TTC39B: variants seen among roughly 807,000 people sequenced by gnomAD.
The protein encoded by TTC39B is tetratricopeptide repeat protein 39B.
TTC39B carries 92 observed loss-of-function variants against 96.6 expected under a neutral mutation model. The ratio of observed to expected loss-of-function variants is 0.95; its 90% CI spans 0.80 to 1.13. The LOEUF is 1.13. Ranked by LOEUF, TTC39B falls within the 50% of genes most tolerant of loss-of-function variation. The probability of loss-of-function intolerance (pLI) is 0.00; values close to 1 mark genes in which losing one functional copy is unlikely to be tolerated. For missense variants in TTC39B, 955 were observed against 809.3 expected, an observed-to-expected ratio of 1.18 and a Z score of -2.18; for synonymous variants, 367 against 299.4, an observed-to-expected ratio of 1.23 and a Z score of -2.33.
intron 16 of TTC39B, among the ~76,000 whole-genome samples, chr9:15,183,881 A>G (rs1490558805): frequency 6.6e-6 from 1 of 152,188 alleles, no homozygotes; most frequent in Non-Finnish European, 1.5e-5. Context: ...GCTCCGTCAC[A>G]GTCACAGAAT....
At chr9:15,287,555 G>A (rs985002311) in intron 1 of TTC39B, among the ~76,000 whole-genome samples, 6 of 152,088 alleles carry the variant, frequency 3.9e-5, no homozygotes, top group Non-Finnish European at 5.9e-5. Context: ...CTCGCTTCCC[G>A]GAGCTTACAG....
At chr9:15,299,704 A>G (rs1824515783) in intron 1 of TTC39B, among the ~76,000 whole-genome samples, 1 of 152,220 alleles carries the variant, frequency 6.6e-6, no homozygotes, top group Non-Finnish European at 1.5e-5. Flanking sequence ...TGGGGCATCC[A>G]AGACTGGAGA....
chr9:15,304,893 G>A (rs1018291750), intron 1 of TTC39B, among the ~76,000 whole-genome samples: 14 of 152,136 alleles, frequency 9.2e-5, no homozygotes, highest in Non-Finnish European at 1.8e-4. Flanking sequence ...ACACATAAGT[G>A]ATGAACAAAG....
At chr9:15,229,271 T>G (rs947968210) in intron 2 of TTC39B, among the ~76,000 whole-genome samples, 1 of 152,204 alleles carries the variant, frequency 6.6e-6, no homozygotes. Context: ...ATCTACTTGT[T>G]ATAAGAGCTT....
exon 20 of TTC39B, chr9:15,166,742 G>A (rs1564299412): frequency 6.6e-6 from 1 of 151,710 alleles, no homozygotes; most frequent in Admixed American, 6.6e-5. Context: ...TGGACTCGGG[G>A]AGGAAGGACT....
chr9:15,250,810 A>T, intron 2 of TTC39B, among the ~76,000 whole-genome samples: 1 of 152,238 alleles, frequency 6.6e-6, no homozygotes, highest in East Asian at 1.9e-4. Flanking sequence ...GTGGTCGTTG[A>T]CTTCACAAAT....
exon 19 of TTC39B, chr9:15,175,065 T>A (rs1296135502): frequency 1.2e-6 from 2 of 1,613,660 alleles, no homozygotes; most frequent in African/African-American, 2.7e-5. Context: ...TCCCCCTGGC[T>A]TTTATACAAA....
At chr9:15,181,098 C>T (rs986904649) in intron 17 of TTC39B, among the ~76,000 whole-genome samples, 4 of 152,056 alleles carry the variant, frequency 2.6e-5, no homozygotes, top group African/African-American at 9.7e-5. Context: ...ATATATTTCC[C>T]CTCGAATTTT....
chr9:15,209,681 T>C (rs1205386221), intron 6 of TTC39B, among the ~76,000 whole-genome samples: 1 of 152,060 alleles, frequency 6.6e-6, no homozygotes, highest in African/African-American at 2.4e-5. Context: ...TTCATATCAG[T>C]GAAAAAATAA....
At chr9:15,297,162 G>T (rs147631625) in intron 1 of TTC39B, among the ~76,000 whole-genome samples, 2 of 152,110 alleles carry the variant, frequency 1.3e-5, no homozygotes, top group Non-Finnish European at 2.9e-5. Flanking sequence ...ACTTCACCAC[G>T]CCTGAGGAGC....
At chr9:15,304,134 C>CA (rs1178989090) in intron 1 of TTC39B, among the ~76,000 whole-genome samples, 6 of 152,152 alleles carry the variant, frequency 3.9e-5, no homozygotes, top group Non-Finnish European at 8.8e-5. Flanking sequence ...ACAAGGCACC[C>CA]AATGGTAGCC....
intron 2 of TTC39B, among the ~76,000 whole-genome samples, chr9:15,231,637 T>G (rs1821428351): frequency 6.6e-6 from 1 of 152,214 alleles, no homozygotes; most frequent in Non-Finnish European, 1.5e-5. Flanking sequence ...CTATCTTTGT[T>G]TATACTTTTT....
At chr9:15,171,998 A>T in exon 20 of TTC39B, 1 of 1,592,388 alleles carries the variant, frequency 6.3e-7, no homozygotes, top group Non-Finnish European at 8.6e-7. Context: ...TTGAGGAAAA[A>T]TTCCATCCTT....
intron 6 of TTC39B, among the ~76,000 whole-genome samples, chr9:15,208,595 G>A (rs1352559121): frequency 4.6e-5 from 7 of 152,098 alleles, no homozygotes; most frequent in Non-Finnish European, 1.0e-4. Context: ...GCTCAAAGAT[G>A]GAAAATATGC....
intron 2 of TTC39B, among the ~76,000 whole-genome samples, chr9:15,261,907 G>A (rs1822960883): frequency 6.6e-6 from 1 of 152,134 alleles, no homozygotes. Context: ...CGTCATCAGA[G>A]CACTAGAAGT....
At position 15,267,958 on chromosome 9, in the gene TTC39B, A is replaced by G. The variant is rs771180252; in HGVS notation, c.241-10T>C. ...CATCTTCGAAAACGTCCTGGGGGAA[A>G]TAAAAAATACAATGAGTTTCTCAAG... On this transcript the variant is annotated splice_polypyrimidine_tract_variant and intron_variant, in intron 1 of 19. Coordinates refer to ENST00000512701, the Ensembl canonical transcript of TTC39B. 1 of 1,609,276 alleles carries G rather than the reference A, an allele frequency of 6.2e-7. No individual in the cohort carries two copies. Among genetic ancestry groups the G allele is most frequent in the Non-Finnish European group, 8.5e-7 (1 of 1,178,642 alleles).
intron 2 of TTC39B, among the ~76,000 whole-genome samples, chr9:15,257,593 T>C (rs1394718365): frequency 6.6e-6 from 1 of 152,042 alleles, no homozygotes; most frequent in Non-Finnish European, 1.5e-5. Flanking sequence ...GAACTACAGA[T>C]GTGTCACCAC....
exon 20 of TTC39B, chr9:15,170,110 T>G (rs1817600575): frequency 9.3e-6 from 1 of 107,276 alleles, no homozygotes; most frequent in African/African-American, 3.8e-5. Context: ...CTAATTATAA[T>G]GACAGTTAAT....
At chr9:15,263,339 A>G (rs989462859) in intron 2 of TTC39B, among the ~76,000 whole-genome samples, 20 of 152,190 alleles carry the variant, frequency 1.3e-4, no homozygotes, top group African/African-American at 1.9e-4. Flanking sequence ...AATCCTCTCA[A>G]TAAATCTATG....
Sources: allele counts gnomAD v4.1 joint callset (sites outside exome capture counted in the v4.1 genomes callset), GRCh38; gene constraint gnomAD v4.1.1; transcripts MANE v1.5; gene names NCBI Gene and HGNC (gene_info 2026-07-23, HGNC 2026-07-21).